Variants in DYSF observed in about 807,000 individuals in gnomAD.
DYSF encodes dysferlin.
Under a neutral mutation model 274.9 loss-of-function variants are expected in DYSF, and 212 were observed. That is an observed-to-expected ratio of 0.77 (90% CI 0.69 to 0.86). The LOEUF (loss-of-function observed/expected upper bound fraction) is 0.86, where lower values mean the gene tolerates loss of function less well. DYSF is among the 40% of genes least tolerant of loss of function. DYSF has a pLI of 0.00. For synonymous variants in DYSF, 1,091 were observed against 1,078.7 expected, an observed-to-expected ratio of 1.01 and a Z score of -0.22; for missense variants, 2,666 against 2,783.2, an observed-to-expected ratio of 0.96 and a Z score of 0.95.
chr2:71,677,750 A>G (rs1194879884), intron 52 of DYSF, among the ~76,000 whole-genome samples: 1 of 152,132 alleles, frequency 6.6e-6, no homozygotes, highest in African/African-American at 2.4e-5. Flanking sequence ...TTTGAGTGTA[A>G]AATGATTCGG....
At chr2:71,637,260 A>G (rs1213674885) in intron 41 of DYSF, among the ~76,000 whole-genome samples, 1 of 152,058 alleles carries the variant, frequency 6.6e-6, no homozygotes, top group Non-Finnish European at 1.5e-5. Context: ...AGAGTCACGG[A>G]GTGATGGCCT....
At chr2:71,551,564 C>T (rs1158064090) in intron 18 of DYSF, 43 bp from the exon 19 acceptor site, 1 of 1,538,836 alleles carries the variant, frequency 6.5e-7, no homozygotes, top group Non-Finnish European at 8.9e-7. Context: ...TCCCCTCCTC[C>T]CCTCTGTCTC....
Position 71,526,257 on chromosome 2 carries a change from T to A in DYSF, c.1187T>A (p.Ile396Asn). The change falls in exon 13 of 56, where the codon ATT (isoleucine) becomes AAT (asparagine). Residue 396 changes from isoleucine to asparagine, a missense_variant. By Grantham distance (149) the Ile-to-Asn change is moderately radical (BLOSUM62 -3). Transcript: ENST00000410020. ...RKDPSEDKED[I>N]ESNLLRPTGV... ...GACCCCTCTGAAGACAAGGAGGACA[T>A]TGAAAGCAACCTGCTCCGGCCCACA... The A allele has an allele frequency of 6.2e-7, 1 of 1,614,252 alleles. No individual in the cohort carries two copies. The highest frequency in any genetic ancestry group is 1.1e-5 in the South Asian group (1 of 91,088).
chr2:71,489,042 G>A (rs2083589982), intron 3 of DYSF, among the ~76,000 whole-genome samples: 1 of 152,182 alleles, frequency 6.6e-6, no homozygotes, highest in African/African-American at 2.4e-5. Flanking sequence ...ACTTTGAGAA[G>A]AGCCAGGGTC....
chr2:71,648,287 G>A (rs974517569), intron 42 of DYSF, among the ~76,000 whole-genome samples: 1 of 152,122 alleles, frequency 6.6e-6, no homozygotes, highest in Non-Finnish European at 1.5e-5. Flanking sequence ...TAAAATGAGT[G>A]ATAAACTATG....
chr2:71,528,775 G>T (rs978467329), intron 14 of DYSF, among the ~76,000 whole-genome samples: 1 of 152,194 alleles, frequency 6.6e-6, no homozygotes, highest in Admixed American at 6.5e-5. Flanking sequence ...AAACATAATG[G>T]TTATTTAAAA....
At chr2:71,520,955 T>G in intron 12 of DYSF, 51 bp downstream of exon 12, 1 of 1,532,020 alleles carries the variant, frequency 6.5e-7, no homozygotes, top group Non-Finnish European at 9.0e-7. Flanking sequence ...CGGCACTTGG[T>G]TGCGGAGGCA....
At chr2:71,527,134 C>T (rs1008121857) in intron 13 of DYSF, among the ~76,000 whole-genome samples, 1 of 152,194 alleles carries the variant, frequency 6.6e-6, no homozygotes, top group African/African-American at 2.4e-5. Context: ...CCACCTCCAG[C>T]GTTTTAGATT....
At chr2:71,537,218 G>GTTTTTTTTTTTTTTTTTTTTTTT (rs751063098) in intron 16 of DYSF, among the ~76,000 whole-genome samples, 1 of 47,704 alleles carries the variant, frequency 2.1e-5, no homozygotes, top group African/African-American at 6.3e-5. Flanking sequence ...TTACTTTCTA[G>GTTTTTTTTTTTTTTTTTTTTTTT]TTTTGTTTTT....
At chr2:71,573,880 T>G (rs750988870) in intron 29 of DYSF, among the ~76,000 whole-genome samples, 1 of 152,136 alleles carries the variant, frequency 6.6e-6, no homozygotes, top group Admixed American at 6.5e-5. Context: ...TTGAGTGCAG[T>G]GGCGCAATCT....
chr2:71,601,539 C>A lies in DYSF; in HGVS notation c.3927+11C>A. ...ATTCCTGGTTTTGAGGTAAGTCTTG[C>A]TCTGACCTTTCCTTCTTCAAACTGA... On this transcript the variant is annotated intron_variant, in intron 35 of 55. Coordinates refer to ENST00000410020, the MANE Select transcript of DYSF (RefSeq NM_001130987.2). The A allele has an allele frequency of 6.2e-7, 1 of 1,614,194 alleles. No individual in the cohort carries two copies. Among genetic ancestry groups the A allele is most frequent in the Non-Finnish European group, 8.5e-7 (1 of 1,180,036 alleles).
At chr2:71,530,103 C>T (rs2088500337) in intron 14 of DYSF, among the ~76,000 whole-genome samples, 1 of 142,450 alleles carries the variant, frequency 7.0e-6, no homozygotes, top group African/African-American at 2.5e-5. Flanking sequence ...CACCTGAGTG[C>T]AGGTTTTGGT....
Position 71,611,565 on chromosome 2 carries a change from G to A in DYSF, c.4160G>A (p.Cys1387Tyr). The stretch of plus-strand genomic sequence containing the variant: ...TGTGGGGGCCAGACGGTGCAGTCCT[G>A]TGTCATCAGGAACCTCCGGAAGAAC... ...VECGGQTVQS[C>Y]VIRNLRKNPN... is the part of the protein sequence containing the mutation. Residue 1387 changes from cysteine (C) to tyrosine (Y), a missense_variant, in exon 38 of 56, where the codon TGT becomes TAT. Cys to Tyr is a radical substitution (Grantham distance 194). Coordinates refer to ENST00000410020, the MANE Select transcript of DYSF (RefSeq NM_001130987.2). 1.2e-6 allele frequency: 2 copies of A among 1,614,034 alleles called. No homozygotes were observed. Among genetic ancestry groups the A allele is most frequent in the African/African-American group, 1.3e-5 (1 of 74,980 alleles).
intron 19 of DYSF, among the ~76,000 whole-genome samples, chr2:71,552,467 C>G (rs781295333): frequency 5.3e-5 from 8 of 152,228 alleles, no homozygotes; most frequent in Non-Finnish European, 1.5e-5. Flanking sequence ...TTCTCTCAGT[C>G]GTAGGATTGA....
chr2:71,541,030 T>C (rs1303713692), intron 17 of DYSF, among the ~76,000 whole-genome samples: 2 of 152,242 alleles, frequency 1.3e-5, no homozygotes, highest in African/African-American at 4.8e-5. Context: ...ATGCTGCCTT[T>C]ATCACCTACT....
intron 42 of DYSF, among the ~76,000 whole-genome samples, chr2:71,653,921 C>T (rs530542533): frequency 6.6e-6 from 1 of 151,124 alleles, no homozygotes; most frequent in South Asian, 2.1e-4. Flanking sequence ...AACATAAACA[C>T]AAACATAAAC....
intron 1 of DYSF, among the ~76,000 whole-genome samples, chr2:71,470,605 C>T (rs531808875): frequency 1.2e-4 from 16 of 137,788 alleles, no homozygotes; most frequent in Admixed American, 7.1e-4. Flanking sequence ...ACCCAGGAGA[C>T]GGAGGTTGCA....
intron 3 of DYSF, among the ~76,000 whole-genome samples, chr2:71,490,186 G>A (rs1396945961): frequency 6.6e-6 from 1 of 151,912 alleles, no homozygotes; most frequent in African/African-American, 2.4e-5. Context: ...AAAATTTCAC[G>A]GAAGTATAAA....
intron 3 of DYSF, among the ~76,000 whole-genome samples, chr2:71,495,839 C>G (rs939378951): frequency 6.6e-6 from 1 of 151,886 alleles, no homozygotes; most frequent in African/African-American, 2.4e-5. Flanking sequence ...AGGCAGGGCC[C>G]TAAAAGAGGG....
Sources: gnomAD v4.1 joint callset for allele counts (sites outside exome capture counted in the v4.1 genomes callset) on GRCh38, gnomAD v4.1.1 for gene constraint, MANE v1.5 for transcripts, NCBI Gene and HGNC (gene_info 2026-07-23, HGNC 2026-07-21) for gene names.